Variants in GPATCH2 observed in about 807,000 individuals in gnomAD.
GPATCH2 encodes G-patch domain containing 2.
GPATCH2 carries 51 observed loss-of-function variants against 58.0 expected under a neutral mutation model. The observed-to-expected ratio is 0.88, with a 90% confidence interval of 0.70 to 1.11. The LOEUF (loss-of-function observed/expected upper bound fraction) is 1.11. Ranked by LOEUF, GPATCH2 falls within the 50% of genes most tolerant of loss-of-function variation. The pLI is 0.00. For missense variants in GPATCH2, 625 were observed against 652.2 expected (o/e 0.96, Z 0.45); for synonymous variants, 222 against 218.5 (o/e 1.02, Z -0.14).
At chr1:217,480,863 C>T (rs772251868) in intron 8 of GPATCH2, among the ~76,000 whole-genome samples, 2 of 152,078 alleles carry the variant, frequency 1.3e-5, no homozygotes, top group Non-Finnish European at 2.9e-5. Flanking sequence ...GTTGATTATG[C>T]TAAGTGAAAT....
chr1:217,608,859 A>C, intron 5 of GPATCH2: 1 of 984,728 alleles, frequency 1.0e-6, no homozygotes, highest in Non-Finnish European at 1.2e-6. Context: ...AAGAGACTCA[A>C]AGTTGCATTT....
chr1:217,544,315 C>G (rs1664915603), intron 5 of GPATCH2, among the ~76,000 whole-genome samples: 2 of 152,178 alleles, frequency 1.3e-5, no homozygotes, highest in Admixed American at 1.3e-4. Context: ...TCACCTGAAC[C>G]CAGGAAGGCG....
At chr1:217,459,671 A>G (rs1170242553) in intron 8 of GPATCH2, among the ~76,000 whole-genome samples, 1 of 152,204 alleles carries the variant, frequency 6.6e-6, no homozygotes, top group Non-Finnish European at 1.5e-5. Flanking sequence ...TCTCTTTGAT[A>G]ATGACACTAT....
At chr1:217,447,935 T>TA (rs1659465409) in intron 9 of GPATCH2, among the ~76,000 whole-genome samples, 1 of 151,936 alleles carries the variant, frequency 6.6e-6, no homozygotes, top group African/African-American at 2.4e-5. Context: ...CCATCTCTAC[T>TA]AAAAATACAA....
chr1:217,608,803 AC>A (rs1427193077), intron 5 of GPATCH2: 1 of 984,660 alleles, frequency 1.0e-6, no homozygotes, highest in African/African-American at 1.7e-5. Context: ...AAGCTTACTT[AC>A]AATTACCAAC....
chr1:217,526,587 A>G (rs975463572), intron 5 of GPATCH2, among the ~76,000 whole-genome samples: 11 of 152,334 alleles, frequency 7.2e-5, no homozygotes, highest in Non-Finnish European at 1.3e-4. Flanking sequence ...GACAACAAAA[A>G]TCCCAAATAA....
chr1:217,527,790 T>G (rs530342807), intron 5 of GPATCH2, among the ~76,000 whole-genome samples: 3 of 152,322 alleles, frequency 2.0e-5, no homozygotes, highest in East Asian at 3.9e-4. Context: ...AGAGAGGAGA[T>G]AGTGAACAAC....
At chr1:217,515,622 C>T (rs998505571) in intron 5 of GPATCH2, among the ~76,000 whole-genome samples, 39 of 152,108 alleles carry the variant, frequency 2.6e-4, no homozygotes, top group Non-Finnish European at 5.1e-4. Context: ...GCCGCAGAAT[C>T]GCTTGCACCC....
chr1:217,520,796 TTAA>T (rs752978789), intron 5 of GPATCH2, among the ~76,000 whole-genome samples: 12 of 152,208 alleles, frequency 7.9e-5, no homozygotes, highest in South Asian at 2.1e-4. Context: ...TCTATTGTCA[TTAA>T]TAATAATATC....
intron 5 of GPATCH2, among the ~76,000 whole-genome samples, chr1:217,588,956 T>G (rs996143563): frequency 6.6e-6 from 1 of 152,184 alleles, no homozygotes; most frequent in African/African-American, 2.4e-5. Context: ...TTACGTGAAC[T>G]AGGCTGCAAA....
At chr1:217,454,055 C>T (rs545704638) in intron 8 of GPATCH2, among the ~76,000 whole-genome samples, 3 of 152,074 alleles carry the variant, frequency 2.0e-5, no homozygotes, top group Non-Finnish European at 2.9e-5. Context: ...ACTGGAGGAG[C>T]ATTCCAATGG....
At chr1:217,564,606 A>G (rs927691089) in intron 5 of GPATCH2, among the ~76,000 whole-genome samples, 2 of 152,084 alleles carry the variant, frequency 1.3e-5, no homozygotes, top group African/African-American at 4.8e-5. Context: ...ATTTTTTTCC[A>G]TTTCAGCTAC....
At chr1:217,475,270 C>G (rs1660918190) in intron 8 of GPATCH2, among the ~76,000 whole-genome samples, 1 of 152,122 alleles carries the variant, frequency 6.6e-6, no homozygotes, top group Admixed American at 6.5e-5. Flanking sequence ...GAAACCCCAT[C>G]TCTACTAAAA....
chr1:217,520,594 T>C (rs1663403793), intron 5 of GPATCH2, among the ~76,000 whole-genome samples: 1 of 152,184 alleles, frequency 6.6e-6, no homozygotes, highest in Admixed American at 6.5e-5. Flanking sequence ...ATCTAAATTA[T>C]AGTATAGTGG....
chr1:217,562,060 G>A (rs1302245127), intron 5 of GPATCH2, among the ~76,000 whole-genome samples: 1 of 152,138 alleles, frequency 6.6e-6, no homozygotes, highest in Non-Finnish European at 1.5e-5. Flanking sequence ...CGCAGTGCAA[G>A]AAAACTATCA....
chr1:217,617,153 CA>C (rs1284878015), intron 2 of GPATCH2, among the ~76,000 whole-genome samples: 4 of 152,110 alleles, frequency 2.6e-5, no homozygotes, highest in South Asian at 2.1e-4. Context: ...AACTATTTAC[CA>C]TAGCAGATAG....
intron 6 of GPATCH2, among the ~76,000 whole-genome samples, chr1:217,505,674 A>G (rs1662517333): frequency 6.6e-6 from 1 of 152,160 alleles, no homozygotes; most frequent in Non-Finnish European, 1.5e-5. Context: ...ATTGTTAGAG[A>G]TAAGTTTCTG....
chr1:217,609,373 T>A, intron 5 of GPATCH2: 1 of 984,326 alleles, frequency 1.0e-6, no homozygotes, highest in Non-Finnish European at 1.2e-6. Flanking sequence ...ACATGTTTCA[T>A]TAAGCTCTAA....
chr1:217,514,778 G>A, intron 6 of GPATCH2, 44 bp downstream of exon 6: 1 of 871,092 alleles, frequency 1.1e-6, no homozygotes, highest in South Asian at 1.4e-5. Flanking sequence ...AAAGAGCTAA[G>A]TAGAATACTC....
Sources: allele counts gnomAD v4.1 joint callset (sites outside exome capture counted in the v4.1 genomes callset), GRCh38; gene constraint gnomAD v4.1.1; transcripts MANE v1.5; gene names NCBI Gene and HGNC (gene_info 2026-07-23, HGNC 2026-07-21).